Variants in SHCBP1 observed in about 807,000 individuals in gnomAD.
SHCBP1 encodes the protein SHC SH2 domain-binding protein 1.
A neutral mutation model predicts 75.1 loss-of-function variants in SHCBP1; 60 were observed. The observed-to-expected ratio is 0.80, with a 90% confidence interval of 0.65 to 0.99. SHCBP1 has a LOEUF of 0.99. Ranked by LOEUF, SHCBP1 falls within the 50% of genes least tolerant of loss-of-function variation. The pLI is 0.00. For synonymous variants in SHCBP1, 290 were observed against 293.2 expected, an observed-to-expected ratio of 0.99 and a Z score of 0.11; for missense variants, 709 against 809.4, an observed-to-expected ratio of 0.88 and a Z score of 1.50.
intron 12 of SHCBP1, 73 bp downstream of exon 12, chr16:46,583,443 T>A (rs1356612242): frequency 6.8e-7 from 1 of 1,470,986 alleles, no homozygotes; most frequent in African/African-American, 1.4e-5. Context: ...AGAGGAAGAC[T>A]CAGATCCTTA....
At chr16:46,593,217 CA>C (rs1300512957) in intron 10 of SHCBP1, among the ~76,000 whole-genome samples, 2 of 151,870 alleles carry the variant, frequency 1.3e-5, no homozygotes, top group Non-Finnish European at 2.9e-5. Context: ...TAGAAAATCC[CA>C]AGGAATCTAC....
chr16:46,612,634 C>T (rs1965437183), intron 4 of SHCBP1, among the ~76,000 whole-genome samples: 1 of 152,104 alleles, frequency 6.6e-6, no homozygotes, highest in Admixed American at 6.5e-5. Context: ...AGCCGTTGTA[C>T]CTAAACTCTC....
intron 9 of SHCBP1, 61 bp downstream of exon 9, chr16:46,599,770 G>C: frequency 7.3e-7 from 1 of 1,371,858 alleles, no homozygotes; most frequent in East Asian, 3.2e-5. Flanking sequence ...ATCTTCCATA[G>C]AGAGAACCGT....
rs1596682273 is a variant in SHCBP1 at position 46,604,147 on chromosome 16, A to G, written c.924-4T>C. The G allele has an allele frequency of 6.8e-6, 11 of 1,613,754 alleles. 1 individual carries two copies. The African/African-American group carries it at 1.3e-4, about 20-fold the overall frequency. ...CTTCTGATAACCAAACACATACCTT[A>G]AAGAAACGAAACAGGCCTATCAGTA... On this transcript the variant is annotated splice_region_variant and splice_polypyrimidine_tract_variant and intron_variant, in intron 6 of 12. Coordinates refer to ENST00000303383, the MANE Select transcript of SHCBP1 (RefSeq NM_024745.5).
chr16:46,608,186 T>A (rs1596685161), intron 5 of SHCBP1, 111 bp downstream of exon 5: 6 of 623,816 alleles, frequency 9.6e-6, no homozygotes, highest in Admixed American at 5.6e-5. Context: ...AGAGAGAGAG[T>A]GAGTGAGTGA....
intron 9 of SHCBP1, among the ~76,000 whole-genome samples, chr16:46,596,791 G>A (rs974485677): frequency 1.3e-5 from 2 of 151,044 alleles, no homozygotes; most frequent in East Asian, 2.0e-4. Flanking sequence ...GCAGTGGTGC[G>A]ATCTTGGCTC....
At chr16:46,594,693 A>G (rs1965107697) in intron 10 of SHCBP1, among the ~76,000 whole-genome samples, 1 of 152,198 alleles carries the variant, frequency 6.6e-6, no homozygotes, top group Non-Finnish European at 1.5e-5. Context: ...TTTAAAAAAA[A>G]AAAACCTAAA....
chr16:46,585,520 C>A (rs1370237449), intron 10 of SHCBP1, among the ~76,000 whole-genome samples: 1 of 151,926 alleles, frequency 6.6e-6, no homozygotes, highest in Non-Finnish European at 1.5e-5. Flanking sequence ...CAGACATACA[C>A]CCAAAAAAAA....
intron 9 of SHCBP1, among the ~76,000 whole-genome samples, chr16:46,597,742 G>T (rs1439963133): frequency 6.6e-6 from 1 of 152,180 alleles, no homozygotes; most frequent in East Asian, 1.9e-4. Context: ...TTCCTTTCAT[G>T]AAAGGATTTC....
intron 4 of SHCBP1, among the ~76,000 whole-genome samples, chr16:46,610,100 G>A (rs917260092): frequency 2.0e-5 from 3 of 151,558 alleles, no homozygotes; most frequent in East Asian, 1.9e-4. Flanking sequence ...ACAGGCACCC[G>A]CCACCACGCC....
intron 4 of SHCBP1, among the ~76,000 whole-genome samples, chr16:46,611,528 T>C (rs147179051): frequency 1.0e-3 from 158 of 152,370 alleles, no homozygotes; most frequent in African/African-American, 3.8e-3. Flanking sequence ...GGGTCAATAA[T>C]TATCTTGTTT....
intron 9 of SHCBP1, 141 bp downstream of exon 9, chr16:46,599,690 A>AAAAAAAAAAAAAAAAAAG: frequency 2.9e-6 from 1 of 343,772 alleles, no homozygotes. Flanking sequence ...AAAAAAAAAA[A>AAAAAAAAAAAAAAAAAAG]AACTCAGCAT....
chr16:46,604,361 G>T lies in SHCBP1; in HGVS notation c.790C>A (p.Leu264Met). 6.2e-7 allele frequency: 1 copy of T among 1,614,170 alleles called. No homozygotes were observed. Among genetic ancestry groups the T allele is most frequent in the Non-Finnish European group, 8.5e-7 (1 of 1,180,020 alleles). ...TTACAATTTGACAAACTGCTTCTCA[G>T]ATTTAAAAATTTCCTGTAACTCTCC... ...CEESYRKFLN[L>M]RSSLSNCNSD... Residue 264 changes from leucine to methionine, a missense_variant, in exon 6 of 13, where the codon CTG becomes ATG. Transcript: ENST00000303383.
intron 4 of SHCBP1, among the ~76,000 whole-genome samples, chr16:46,612,561 G>C (rs890943665): frequency 6.6e-6 from 1 of 152,084 alleles, no homozygotes; most frequent in Non-Finnish European, 1.5e-5. Flanking sequence ...TCAAAAAGAA[G>C]TCCTGAACGT....
Position 46,621,350 on chromosome 16 carries a change from C to G in SHCBP1, c.10G>C (p.Gly4Arg), listed in dbSNP as rs759988033. The G allele has an allele frequency of 1.2e-6, 2 of 1,610,828 alleles. No homozygotes were observed. The highest frequency in any genetic ancestry group is 2.2e-5 in the East Asian group (1 of 44,848). Residue 4 changes from glycine (G) to arginine (R), a missense_variant, in exon 1 of 13, where the codon GGG becomes CGG. Coordinates refer to ENST00000303383, the MANE Select transcript of SHCBP1 (RefSeq NM_024745.5). The part of the protein sequence containing the change: MAD[G>R]SLTGGGLEAA... ...TCCAGACCGCCGCCCGTCAGCGACC[C>G]GTCAGCCATTTCAAATTTCCGCGGA... is the stretch of plus-strand genomic sequence containing the variant.
At chr16:46,613,320 C>T (rs948120624) in intron 4 of SHCBP1, among the ~76,000 whole-genome samples, 3 of 152,152 alleles carry the variant, frequency 2.0e-5, no homozygotes, top group East Asian at 1.9e-4. Context: ...AGAATAATAC[C>T]GTGTTTCCAA....
At chr16:46,589,275 G>A (rs1375274521) in intron 10 of SHCBP1, among the ~76,000 whole-genome samples, 2 of 152,204 alleles carry the variant, frequency 1.3e-5, no homozygotes, top group Non-Finnish European at 2.9e-5. Flanking sequence ...AGACAGGGAT[G>A]CCCTCTCTCA....
At chr16:46,609,447 T>C (rs910884317) in intron 4 of SHCBP1, among the ~76,000 whole-genome samples, 1 of 122,010 alleles carries the variant, frequency 8.2e-6, no homozygotes, top group African/African-American at 3.1e-5. Flanking sequence ...CTTTTCTTTT[T>C]TTTTTTTTTT....
chr16:46,580,668 C>T lies in SHCBP1; in HGVS notation c.*1061G>A, dbSNP rs1253198620. On this transcript the variant is annotated 3_prime_UTR_variant, in exon 13 of 13. Transcript: ENST00000303383. ...ACAATATGATAACAAGAACACCCAGCAGATACAGGTTGTACAGTTAATCAT... is the reference window on the plus strand; with the variant it reads ...ACAATATGATAACAAGAACACCCAGTAGATACAGGTTGTACAGTTAATCAT... The T allele has an allele frequency of 6.6e-6, 1 of 152,012 alleles. No individual in the cohort carries two copies. The highest frequency in any genetic ancestry group is 2.4e-5 in the African/African-American group (1 of 41,384). The allele number at this position is 152,012 out of a possible 1,614,324, so 9.4% of individuals were successfully genotyped here.
Sources: gnomAD v4.1 joint callset for allele counts (sites outside exome capture counted in the v4.1 genomes callset) on GRCh38, gnomAD v4.1.1 for gene constraint, MANE v1.5 for transcripts, NCBI Gene and HGNC (gene_info 2026-07-23, HGNC 2026-07-21) for gene names.